CLYBL: variants seen among roughly 807,000 people sequenced by gnomAD.
CLYBL encodes the protein citramalyl-CoA lyase.
CLYBL carries 31 observed loss-of-function variants against 38.9 expected under a neutral mutation model. The observed-to-expected ratio is 0.80, with a 90% CI of 0.60 to 1.08. The LOEUF is 1.08. Among genes scored for constraint, CLYBL ranks in the 50% least tolerant of loss-of-function variants. The pLI, the probability that CLYBL is intolerant of heterozygous loss-of-function variation, is 0.00. For synonymous variants in CLYBL, 171 were observed against 158.6 expected (o/e 1.08, Z -0.59); for missense variants, 434 against 411.6 (o/e 1.05, Z -0.47).
At chr13:99,785,602 AT>A (rs34774913) in intron 2 of CLYBL, among the ~76,000 whole-genome samples, 12,454 of 143,490 alleles carry the variant, frequency 0.087, 1,541 homozygotes, top group African/African-American at 0.28. Flanking sequence ...TAAATAATAC[AT>A]TTTTTTTTTT....
Position 99,863,086 on chromosome 13 carries a change from T to A in CLYBL, c.534T>A (p.Asn178Lys). 1 of 1,583,308 alleles carries A rather than the reference T, an allele frequency of 6.3e-7. No homozygotes were observed. The highest frequency in any genetic ancestry group is 1.1e-5 in the South Asian group (1 of 88,740). The change falls in exon 4 of 9, where the codon AAT becomes AAA. Residue 178 changes from asparagine to lysine, a missense_variant. By Grantham distance (94) the Asn-to-Lys change is moderately conservative. Coordinates refer to ENST00000339105, the MANE Select transcript of CLYBL (RefSeq NM_206808.5). ...PFVETAMGLL[N>K]FKAVCEETLK... The stretch of plus-strand genomic sequence containing the variant: ...TGGAAACTGCAATGGGTTTGCTCAA[T>A]TTTAAGGTAAGGAAGCCATAATACG...
chr13:99,797,560 T>TTGTGTGTGTG (rs3033584), intron 2 of CLYBL, among the ~76,000 whole-genome samples: 22,071 of 141,682 alleles, frequency 0.16, 1,961 homozygotes, highest in East Asian at 0.23. Context: ...TGTTAGCTGT[T>TTGTGTGTGTG]TGTGTGTGTG....
chr13:99,871,041 A>G lies in CLYBL; in HGVS notation c.906A>G (p.Lys302=). The change falls in exon 7 of 9, where the codon AAA becomes AAG. Residue 302 remains lysine (K), a synonymous_variant. Transcript: ENST00000339105. ...CTGAAGAACTGATTGCTGCCTTTAAAGAACATCAACAATTAGGAAAGGTAA... is the reference window on the plus strand; with the variant it reads ...CTGAAGAACTGATTGCTGCCTTTAAGGAACATCAACAATTAGGAAAGGTAA... ...KWAEELIAAF[K]EHQQLGKGAF... is the part of the protein sequence containing the mutation. 1 of 1,614,092 alleles carries G rather than the reference A, an allele frequency of 6.2e-7. No individual in the cohort carries two copies. Among genetic ancestry groups the G allele is most frequent in the South Asian group, 1.1e-5 (1 of 91,072 alleles).
At chr13:99,761,238 A>G (rs528508784) in intron 1 of CLYBL, among the ~76,000 whole-genome samples, 1 of 152,332 alleles carries the variant, frequency 6.6e-6, no homozygotes, top group East Asian at 1.9e-4. Flanking sequence ...CTGTAGTCCC[A>G]GCTACTTGGG....
At chr13:99,610,351 G>T (rs2763936) in intron 1 of CLYBL, among the ~76,000 whole-genome samples, 129,135 of 152,218 alleles carry the variant, frequency 0.85, 54,872 homozygotes, top group Middle Eastern at 0.91. Context: ...CTTTCTTTTC[G>T]TTGCATGTCT....
chr13:99,678,823 TA>T (rs2047690747), intron 1 of CLYBL, among the ~76,000 whole-genome samples: 1 of 152,044 alleles, frequency 6.6e-6, no homozygotes, highest in African/African-American at 2.4e-5. Flanking sequence ...GTTAACTCTT[TA>T]AAAATACAAA....
chr13:99,608,675 T>C (rs557437549), intron 1 of CLYBL, among the ~76,000 whole-genome samples: 1 of 152,258 alleles, frequency 6.6e-6, no homozygotes, highest in South Asian at 2.1e-4. Flanking sequence ...CTCACCCGCC[T>C]TAGCACACTG....
At chr13:99,853,783 A>G (rs566677112) in intron 2 of CLYBL, among the ~76,000 whole-genome samples, 20 of 152,328 alleles carry the variant, frequency 1.3e-4, no homozygotes, top group Non-Finnish European at 2.6e-4. Flanking sequence ...TTAAATACAA[A>G]TTGATAAAAA....
At position 99,870,958 on chromosome 13, in the gene CLYBL, A is replaced by G; in HGVS notation, c.823A>G (p.Asn275Asp). ...TGTAGGTAAGCAGGTGATTCACCCT[A>G]ACCAAATTGCCGTGGTCCAGGAGCA... Reference protein sequence around the residue: ...GFTGKQVIHPNQIAVVQEQFS... With the variant: ...GFTGKQVIHPDQIAVVQEQFS... The change falls in exon 7 of 9, where the codon AAC becomes GAC. Residue 275 changes from asparagine to aspartate, a missense_variant. Asn to Asp is a conservative substitution (Grantham distance 23). Transcript: ENST00000339105. The G allele has an allele frequency of 6.2e-7, 1 of 1,612,544 alleles. No individual in the cohort carries two copies. The highest frequency in any genetic ancestry group is 8.5e-7 in the Non-Finnish European group (1 of 1,179,424).
intron 1 of CLYBL, among the ~76,000 whole-genome samples, chr13:99,675,979 A>G (rs2047638139): frequency 1.3e-5 from 2 of 152,238 alleles, no homozygotes; most frequent in South Asian, 4.2e-4. Flanking sequence ...TCAGCCCCCC[A>G]AGTAGCTGGG....
chr13:99,719,460 T>G (rs1198699647), intron 1 of CLYBL, among the ~76,000 whole-genome samples: 1 of 151,922 alleles, frequency 6.6e-6, no homozygotes, highest in African/African-American at 2.4e-5. Context: ...AAGAACCTGT[T>G]CTATGCCAGT....
At chr13:99,841,216 C>T (rs887058196) in intron 2 of CLYBL, among the ~76,000 whole-genome samples, 14 of 152,046 alleles carry the variant, frequency 9.2e-5, no homozygotes, top group African/African-American at 3.1e-4. Context: ...CTGAAGAGCA[C>T]GGCGCACGGA....
chr13:99,623,882 C>G (rs991329067), intron 1 of CLYBL, among the ~76,000 whole-genome samples: 3 of 149,642 alleles, frequency 2.0e-5, no homozygotes, highest in African/African-American at 4.9e-5. Context: ...TCGCTTTAAC[C>G]TGGGAGGTGA....
At chr13:99,844,163 G>A (rs542521658) in intron 2 of CLYBL, among the ~76,000 whole-genome samples, 1 of 152,156 alleles carries the variant, frequency 6.6e-6, no homozygotes, top group African/African-American at 2.4e-5. Context: ...GTAACTCACC[G>A]ACCCTCGAGG....
chr13:99,764,984 C>T (rs2049239992), intron 1 of CLYBL, among the ~76,000 whole-genome samples: 1 of 152,114 alleles, frequency 6.6e-6, no homozygotes, highest in South Asian at 2.1e-4. Flanking sequence ...CCACCATGCC[C>T]AACCCTTGTA....
At chr13:99,682,798 G>GT (rs1249228905) in intron 1 of CLYBL, among the ~76,000 whole-genome samples, 1 of 148,722 alleles carries the variant, frequency 6.7e-6, no homozygotes, top group Non-Finnish European at 1.5e-5. Context: ...GTACAGTGGC[G>GT]TGATCTTGGC....
intron 2 of CLYBL, among the ~76,000 whole-genome samples, chr13:99,781,724 C>T (rs140953195): frequency 1.7e-3 from 253 of 152,240 alleles, no homozygotes; most frequent in Non-Finnish European, 2.4e-3. Context: ...GTGATCCACC[C>T]GCCTCGGCCT....
Position 99,864,271 on chromosome 13 carries a change from G to A in CLYBL, c.541-547G>A, listed in dbSNP as rs150888859. On this transcript the variant is annotated intron_variant, in intron 4 of 8. Coordinates refer to ENST00000339105, the MANE Select transcript of CLYBL (RefSeq NM_206808.5). ...CAAGATTCACGGTTATGTCTACGAC[G>A]AATGGTATTTGCCTTGACTTTCATA... 1.4e-4 allele frequency among the ~76,000 whole-genome samples: 22 copies of A among 152,262 alleles called. No homozygotes were observed. The East Asian group carries it at 3.7e-3, about 25-fold the overall frequency.
chr13:99,880,183 T>C (rs2052167800), intron 7 of CLYBL, among the ~76,000 whole-genome samples: 1 of 151,572 alleles, frequency 6.6e-6, no homozygotes, highest in Non-Finnish European at 1.5e-5. Flanking sequence ...TTCTCATGCT[T>C]CAGCCTCCCG....
Sources: allele counts gnomAD v4.1 joint callset (sites outside exome capture counted in the v4.1 genomes callset), GRCh38; gene constraint gnomAD v4.1.1; transcripts MANE v1.5; gene names NCBI Gene and HGNC (gene_info 2026-07-23, HGNC 2026-07-21).